CHST8: variants seen among roughly 807,000 people sequenced by gnomAD.
The protein encoded by CHST8 is carbohydrate sulfotransferase 8, also known as GALNAC-4-ST1.
In CHST8, 10 loss-of-function variants were observed where a neutral mutation model predicts 15.0. That is an observed-to-expected ratio of 0.67 (90% CI 0.41 to 1.13). CHST8 has a LOEUF of 1.13. Ranked by LOEUF, CHST8 falls within the 50% of genes most tolerant of loss-of-function variation. The pLI, the probability that CHST8 is intolerant of heterozygous loss-of-function variation, is 0.00. For missense variants in CHST8, 634 were observed against 608.2 expected (o/e 1.04, Z -0.45); for synonymous variants, 259 against 256.6 (o/e 1.01, Z -0.09).
intron 1 of CHST8, among the ~76,000 whole-genome samples, chr19:33,657,849 G>T (rs2145218240): frequency 6.6e-6 from 1 of 152,254 alleles, no homozygotes; most frequent in South Asian, 2.1e-4. Flanking sequence ...GGGATTACAG[G>T]CATGAGCCAT....
intron 3 of CHST8, among the ~76,000 whole-genome samples, chr19:33,737,482 A>G (rs1974109444): frequency 6.6e-6 from 1 of 152,156 alleles, no homozygotes; most frequent in South Asian, 2.1e-4. Flanking sequence ...CCATAATTAG[A>G]GCTGGGACAA....
intron 1 of CHST8, among the ~76,000 whole-genome samples, chr19:33,625,403 C>T (rs1279934966): frequency 6.6e-6 from 1 of 151,962 alleles, no homozygotes; most frequent in Non-Finnish European, 1.5e-5. Flanking sequence ...AGTGAGCAAC[C>T]GTGGCAATTA....
At chr19:33,663,707 T>C (rs1160546017) in intron 1 of CHST8, among the ~76,000 whole-genome samples, 3 of 151,992 alleles carry the variant, frequency 2.0e-5, no homozygotes, top group Non-Finnish European at 2.9e-5. Flanking sequence ...TCTGTCACTA[T>C]AAAAATACAA....
chr19:33,706,252 G>A (rs1479410690), intron 3 of CHST8, among the ~76,000 whole-genome samples: 1 of 152,196 alleles, frequency 6.6e-6, no homozygotes, highest in African/African-American at 2.4e-5. Context: ...CCTTCAGACT[G>A]TCAGGGCGTG....
chr19:33,662,843 CA>C (rs1972604540), intron 1 of CHST8, among the ~76,000 whole-genome samples: 1 of 152,226 alleles, frequency 6.6e-6, no homozygotes, highest in Non-Finnish European at 1.5e-5. Flanking sequence ...CCACAAAACT[CA>C]GCTTCTCAAT....
intron 3 of CHST8, among the ~76,000 whole-genome samples, chr19:33,728,243 C>T (rs1176411143): frequency 2.0e-5 from 3 of 152,394 alleles, no homozygotes; most frequent in South Asian, 2.1e-4. Flanking sequence ...CACACATCCC[C>T]GTTGAGTTCA....
intron 2 of CHST8, among the ~76,000 whole-genome samples, chr19:33,673,423 C>G (rs2145234941): frequency 6.6e-6 from 1 of 152,278 alleles, no homozygotes; most frequent in South Asian, 2.1e-4. Context: ...GCCAGGGACC[C>G]TGGGTGGGGC....
chr19:33,661,330 TA>T (rs1156785815), intron 1 of CHST8, among the ~76,000 whole-genome samples: 1 of 152,232 alleles, frequency 6.6e-6, no homozygotes, highest in Non-Finnish European at 1.5e-5. Context: ...TCTGGGCAGT[TA>T]AACATCACTA....
chr19:33,666,830 G>A (rs559586495), intron 1 of CHST8, among the ~76,000 whole-genome samples: 3 of 152,252 alleles, frequency 2.0e-5, no homozygotes, highest in Non-Finnish European at 4.4e-5. Flanking sequence ...AGCCTCCCGC[G>A]TAGCTGGGAC....
At chr19:33,672,357 C>A (rs1972748812) in intron 2 of CHST8, among the ~76,000 whole-genome samples, 1 of 151,980 alleles carries the variant, frequency 6.6e-6, no homozygotes, top group African/African-American at 2.4e-5. Context: ...ACCACCACAC[C>A]CAGCTGATTT....
At chr19:33,680,734 G>A (rs1972875573) in intron 2 of CHST8, among the ~76,000 whole-genome samples, 2 of 152,212 alleles carry the variant, frequency 1.3e-5, no homozygotes, top group South Asian at 4.1e-4. Flanking sequence ...TAAAGGCACA[G>A]TCCCTTAACT....
At chr19:33,738,979 G>A (rs1039584224) in intron 3 of CHST8, among the ~76,000 whole-genome samples, 3 of 152,120 alleles carry the variant, frequency 2.0e-5, no homozygotes, top group Admixed American at 6.5e-5. Flanking sequence ...GATTAAAGCC[G>A]GGAGGACCCT....
At chr19:33,632,747 TTG>T (rs10589446) in intron 1 of CHST8, among the ~76,000 whole-genome samples, 55,573 of 149,436 alleles carry the variant, frequency 0.37, 10,226 homozygotes, top group Middle Eastern at 0.46. Context: ...TTGGTTTTCC[TTG>T]TGTGTGTGTG....
At chr19:33,727,734 G>A (rs772404591) in intron 3 of CHST8, among the ~76,000 whole-genome samples, 16 of 152,228 alleles carry the variant, frequency 1.1e-4, no homozygotes, top group Non-Finnish European at 1.9e-4. Flanking sequence ...AGTAATTACC[G>A]TGACCAGGTG....
intron 3 of CHST8, among the ~76,000 whole-genome samples, chr19:33,690,447 G>A (rs1217464650): frequency 6.6e-6 from 1 of 152,188 alleles, no homozygotes. Context: ...CATGATGTGT[G>A]GCCTTTAGTG....
At chr19:33,645,849 A>G (rs1972348940) in intron 1 of CHST8, among the ~76,000 whole-genome samples, 1 of 152,186 alleles carries the variant, frequency 6.6e-6, no homozygotes. Flanking sequence ...AGTGAGGGCC[A>G]GGTGTGGTGG....
At chr19:33,768,056 T>C (rs1351219450) in intron 3 of CHST8, among the ~76,000 whole-genome samples, 2 of 152,150 alleles carry the variant, frequency 1.3e-5, no homozygotes, top group African/African-American at 4.8e-5. Context: ...GATGGAGCTG[T>C]CCAGGGTCCT....
chr19:33,667,693 G>C (rs975185612), intron 1 of CHST8, 74 bp from the exon 2 acceptor site: 1 of 152,114 alleles, frequency 6.6e-6, no homozygotes, highest in African/African-American at 2.4e-5. Flanking sequence ...TCCTCTTAAT[G>C]GGCATTTGAG....
At chr19:33,671,017 C>T (rs1319358369) in intron 2 of CHST8, among the ~76,000 whole-genome samples, 2 of 152,160 alleles carry the variant, frequency 1.3e-5, no homozygotes, top group Non-Finnish European at 2.9e-5. Context: ...TTCCAGCCTC[C>T]TTCTCCCAGT....
Sources: gnomAD v4.1 joint callset for allele counts (sites outside exome capture counted in the v4.1 genomes callset) on GRCh38, gnomAD v4.1.1 for gene constraint, MANE v1.5 for transcripts, NCBI Gene and HGNC (gene_info 2026-07-23, HGNC 2026-07-21) for gene names.